The following HLF variants were observed in gnomAD, a reference collection of about 807,000 sequenced individuals.
HLF encodes hepatic leukemia factor.
HLF carries 3 observed loss-of-function variants against 22.6 expected under a neutral mutation model. The ratio of observed to expected loss-of-function variants is 0.13; its 90% CI spans 0.06 to 0.34. The LOEUF is 0.34. HLF is among the 10% of genes least tolerant of loss of function. The pLI is 1.00. For missense variants in HLF, 299 were observed against 389.2 expected (o/e 0.77, Z 1.95); for synonymous variants, 151 against 151.8 (o/e 0.99, Z 0.04).
At chr17:55,281,311 C>G (rs959794098) in intron 2 of HLF, among the ~76,000 whole-genome samples, 1 of 152,042 alleles carries the variant, frequency 6.6e-6, no homozygotes, top group Non-Finnish European at 1.5e-5. Context: ...GTCAGGAGCT[C>G]GAGACCAGCC....
chr17:55,307,806 C>T (rs551276135), intron 2 of HLF, among the ~76,000 whole-genome samples: 2 of 141,168 alleles, frequency 1.4e-5, no homozygotes, highest in Non-Finnish European at 3.0e-5. Context: ...TAAAAAAGAT[C>T]GTTTGGGATG....
intron 2 of HLF, among the ~76,000 whole-genome samples, chr17:55,305,987 G>A (rs934147081): frequency 2.6e-5 from 4 of 152,164 alleles, no homozygotes; most frequent in Admixed American, 6.5e-5. Flanking sequence ...TGGAAAATGG[G>A]TATATGAACT....
intron 3 of HLF, among the ~76,000 whole-genome samples, chr17:55,317,030 C>T (rs1408409157): frequency 2.8e-5 from 4 of 144,362 alleles, no homozygotes; most frequent in Non-Finnish European, 4.5e-5. Context: ...TGCAGTGGCA[C>T]GATCTCAGCT....
chr17:55,290,779 C>T (rs957643756), intron 2 of HLF, among the ~76,000 whole-genome samples: 4 of 152,198 alleles, frequency 2.6e-5, no homozygotes, highest in African/African-American at 9.7e-5. Context: ...AAAGCCAAGA[C>T]AGGCCAAAAG....
Position 55,265,239 on chromosome 17 carries a change from C to T in HLF, c.-246C>T, listed in dbSNP as rs866973101. ...GAGCATCCTGCACGTCGCCGGGGAG[C>T]CCGCGGGCACTTGGCGCGCTCTCCT... On this transcript the variant is annotated 5_prime_UTR_variant, in exon 1 of 4. Coordinates refer to ENST00000226067, the MANE Select transcript of HLF (RefSeq NM_002126.5). The T allele has an allele frequency of 2.7e-6, 1 of 376,292 alleles. No individual in the cohort carries two copies. The highest frequency in any genetic ancestry group is 4.7e-6 in the Non-Finnish European group (1 of 213,968). 23.3% of individuals were successfully genotyped at this position (376,292 alleles called of 1,614,324 possible). A position where few individuals can be genotyped will look rare whatever the true frequency, so the allele number is the denominator to read the frequency against.
In HLF at chr17:55,268,051, C is replaced by T. The variant is rs2080812365; in HGVS notation, c.416C>T (p.Pro139Leu). 2 of 1,592,258 alleles carry T rather than the reference C, an allele frequency of 1.3e-6. No individual in the cohort carries two copies. Among genetic ancestry groups the T allele is most frequent in the Admixed American group, 1.7e-5 (1 of 57,412 alleles). The part of the protein sequence containing the change: ...RASAPLHPGI[P>L]SPNCMQSPIR... The stretch of plus-strand genomic sequence containing the variant: ...TCTGCACCCCTTCACCCTGGCATCC[C>T]ATCTCCGAACTGTATGCAGAGCCCC... Residue 139 changes from proline to leucine, a missense_variant, in exon 2 of 4, where the codon CCA becomes CTA. By Grantham distance (98) the Pro-to-Leu change is moderately conservative. Coordinates refer to ENST00000226067, the MANE Select transcript of HLF (RefSeq NM_002126.5).
intron 2 of HLF, among the ~76,000 whole-genome samples, chr17:55,287,400 A>C (rs2081015808): frequency 6.6e-6 from 1 of 151,446 alleles, no homozygotes; most frequent in Non-Finnish European, 1.5e-5. Context: ...TGTGTAGATT[A>C]TCTCTTTGGT....
chr17:55,300,399 G>C (rs978225630), intron 2 of HLF, among the ~76,000 whole-genome samples: 2 of 152,168 alleles, frequency 1.3e-5, no homozygotes, highest in Non-Finnish European at 2.9e-5. Context: ...CTCCTGGGGA[G>C]ATAATCAGAT....
rs1727405305 is a variant in HLF at position 55,294,018 on chromosome 17, G to C, written c.452-21209G>C. On this transcript the variant is annotated intron_variant, in intron 2 of 3. Coordinates refer to ENST00000226067, the MANE Select transcript of HLF (RefSeq NM_002126.5). ...AACACAGGTTTTACTTTTAAGTCAT[G>C]AGGGATGACTTTCTAAGCCACAGTT... 3.4e-5 allele frequency among the ~76,000 whole-genome samples: 5 copies of C among 147,604 alleles called. No individual in the cohort carries two copies. The South Asian group carries it at 1.1e-3, about 33-fold the overall frequency.
In HLF at chr17:55,265,365, C is replaced by T. The variant is rs767316034; in HGVS notation, c.-120C>T. The T allele has an allele frequency of 2.5e-5, 16 of 629,092 alleles. No individual in the cohort carries two copies. The highest frequency in any genetic ancestry group is 4.2e-5 in the Non-Finnish European group (15 of 355,062). 39.0% of individuals were successfully genotyped at this position (629,092 alleles called of 1,614,324 possible). A position where few individuals can be genotyped will look rare whatever the true frequency, so the allele number is the denominator to read the frequency against. On this transcript the variant is annotated 5_prime_UTR_variant, in exon 1 of 4. Transcript: ENST00000226067. ...AGTAATTTTTTTCTTCCCTTTTCTC[C>T]ACCGCCTTGAGAGCGAGTACTTTTG... is the stretch of plus-strand genomic sequence containing the variant.
chr17:55,265,401 G>A lies in HLF; in HGVS notation c.-84G>A, dbSNP rs934264294. ...GAGCGAGTACTTTTGGCAAAGGACG[G>A]AGGAAAAGCTCAGCAACATTTTAGG... On this transcript the variant is annotated 5_prime_UTR_variant, in exon 1 of 4. Coordinates refer to ENST00000226067, the MANE Select transcript of HLF (RefSeq NM_002126.5). 8.7e-6 allele frequency: 7 copies of A among 805,560 alleles called. No homozygotes were observed. The highest frequency in any genetic ancestry group is 2.2e-4 in the Middle Eastern group (1 of 4,554). 49.9% of individuals were successfully genotyped at this position (805,560 alleles called of 1,614,324 possible).
intron 2 of HLF, among the ~76,000 whole-genome samples, chr17:55,296,277 A>C (rs2145340410): frequency 6.6e-6 from 1 of 152,338 alleles, no homozygotes; most frequent in South Asian, 2.1e-4. Flanking sequence ...GAGAATTACC[A>C]GTGATTTTTT....
intron 3 of HLF, among the ~76,000 whole-genome samples, chr17:55,318,569 A>AC (rs1164651923): frequency 1.3e-5 from 2 of 151,644 alleles, no homozygotes; most frequent in South Asian, 2.1e-4. Flanking sequence ...CTATGGTGGG[A>AC]CCCCCCATTC....
intron 2 of HLF, among the ~76,000 whole-genome samples, chr17:55,299,244 T>C (rs1386386861): frequency 2.0e-5 from 3 of 152,214 alleles, no homozygotes; most frequent in African/African-American, 7.2e-5. Flanking sequence ...CCATATTCTT[T>C]AGCATACACT....
intron 2 of HLF, among the ~76,000 whole-genome samples, chr17:55,300,586 A>C (rs1462096733): frequency 1.3e-5 from 2 of 152,186 alleles, no homozygotes; most frequent in African/African-American, 4.8e-5. Flanking sequence ...TATTTCAGTG[A>C]ATGTCAACAC....
chr17:55,279,840 C>A (rs959461021), intron 2 of HLF, among the ~76,000 whole-genome samples: 3 of 152,118 alleles, frequency 2.0e-5, no homozygotes, highest in Non-Finnish European at 4.4e-5. Context: ...TCCATTCCCC[C>A]CCACCACTCA....
chr17:55,308,370 G>A (rs964635902), intron 2 of HLF, among the ~76,000 whole-genome samples: 1 of 152,218 alleles, frequency 6.6e-6, no homozygotes, highest in African/African-American at 2.4e-5. Flanking sequence ...CACACTTTCC[G>A]GGTACTACAG....
At chr17:55,293,611 G>A (rs1164478508) in intron 2 of HLF, among the ~76,000 whole-genome samples, 1 of 152,188 alleles carries the variant, frequency 6.6e-6, no homozygotes, top group African/African-American at 2.4e-5. Context: ...GTACTTGGTA[G>A]GTATACTATT....
At chr17:55,317,869 C>T (rs1013302056) in intron 3 of HLF, among the ~76,000 whole-genome samples, 14 of 152,332 alleles carry the variant, frequency 9.2e-5, no homozygotes, top group Admixed American at 4.6e-4. Context: ...TTGAGGTTGA[C>T]ATGCTGGGGT....
Sources: gnomAD v4.1 joint callset for allele counts (sites outside exome capture counted in the v4.1 genomes callset) on GRCh38, gnomAD v4.1.1 for gene constraint, MANE v1.5 for transcripts, NCBI Gene and HGNC (gene_info 2026-07-23, HGNC 2026-07-21) for gene names.